The following GRIK1 variants were observed in gnomAD, a reference collection of about 807,000 sequenced individuals.
GRIK1 encodes glutamate ionotropic receptor kainate type subunit 1.
In GRIK1, 69 loss-of-function variants were observed where a neutral mutation model predicts 105.7. The observed-to-expected ratio is 0.65, with a 90% CI of 0.54 to 0.80. The LOEUF is 0.80. GRIK1 is among the 30% of genes least tolerant of loss of function. GRIK1 has a pLI of 0.00. For missense variants in GRIK1, 1,109 were observed against 1,167.3 expected (o/e 0.95, Z 0.73); for synonymous variants, 438 against 431.3 (o/e 1.02, Z -0.19).
At chr21:29,844,991 T>C (rs958756878) in intron 1 of GRIK1, among the ~76,000 whole-genome samples, 3 of 152,206 alleles carry the variant, frequency 2.0e-5, no homozygotes, top group Admixed American at 6.5e-5. Flanking sequence ...CTGTTTGATA[T>C]GAGATGTGCA....
chr21:29,747,692 G>A (rs1298098423), intron 1 of GRIK1, among the ~76,000 whole-genome samples: 6 of 152,148 alleles, frequency 3.9e-5, no homozygotes, highest in Non-Finnish European at 8.8e-5. Flanking sequence ...AGCTGGGCGT[G>A]GTGGCACGTG....
intron 4 of GRIK1, 44 bp from the exon 5 acceptor site, chr21:29,654,907 A>G: frequency 8.9e-7 from 1 of 1,119,208 alleles, no homozygotes. Flanking sequence ...ACAGAATTAT[A>G]ATAAGAATGG....
At chr21:29,774,162 A>G (rs1307740685) in intron 1 of GRIK1, among the ~76,000 whole-genome samples, 5 of 152,320 alleles carry the variant, frequency 3.3e-5, no homozygotes, top group South Asian at 2.1e-4. Flanking sequence ...GCAGAGAATT[A>G]TAATATCCTT....
chr21:29,906,906 T>C (rs896745935), intron 1 of GRIK1, among the ~76,000 whole-genome samples: 12 of 152,090 alleles, frequency 7.9e-5, no homozygotes, highest in Non-Finnish European at 1.3e-4. Flanking sequence ...TTCAATACTA[T>C]ATGGTGCTTA....
At chr21:29,623,546 CTT>C (rs926392614) in intron 7 of GRIK1, among the ~76,000 whole-genome samples, 3 of 151,956 alleles carry the variant, frequency 2.0e-5, no homozygotes, top group African/African-American at 4.8e-5. Context: ...ATTCCAAAGA[CTT>C]TGTTATTTGT....
chr21:29,693,199 AC>A (rs1291041347), intron 2 of GRIK1, among the ~76,000 whole-genome samples: 1 of 152,192 alleles, frequency 6.6e-6, no homozygotes, highest in Non-Finnish European at 1.5e-5. Context: ...TTAGAAGCCA[AC>A]CCTCAACTAT....
intron 1 of GRIK1, among the ~76,000 whole-genome samples, chr21:29,870,155 C>T (rs1196464147): frequency 1.3e-5 from 2 of 152,124 alleles, no homozygotes; most frequent in Non-Finnish European, 2.9e-5. Flanking sequence ...CTGTTTTAAA[C>T]ACATAATAGT....
intron 3 of GRIK1, among the ~76,000 whole-genome samples, chr21:29,681,691 T>C (rs1281322413): frequency 1.3e-5 from 2 of 152,204 alleles, no homozygotes; most frequent in East Asian, 1.9e-4. Flanking sequence ...AATCATTTTA[T>C]ATTGAATGAA....
At chr21:29,900,583 G>C (rs2070363062) in intron 1 of GRIK1, among the ~76,000 whole-genome samples, 1 of 151,716 alleles carries the variant, frequency 6.6e-6, no homozygotes, top group Admixed American at 6.6e-5. Context: ...TTCAATAAGA[G>C]CTAACTACCC....
chr21:29,900,606 C>T (rs1339139450), intron 1 of GRIK1, among the ~76,000 whole-genome samples: 1 of 152,044 alleles, frequency 6.6e-6, no homozygotes, highest in Non-Finnish European at 1.5e-5. Context: ...AATATATATG[C>T]ACCCAATACA....
chr21:29,781,261 CCTTT>C lies in GRIK1; in HGVS notation c.119-87202_119-87199del, dbSNP rs2066091441. On this transcript the variant is annotated intron_variant, in intron 1 of 17. Transcript: ENST00000327783. Reference sequence around the variant, plus strand: ...TTTGCAACATGCTCCTTCCTTTTTTCCTTTCTTTCTCCTTTCCTAAAACCTCCTT... The same window carrying C: ...TTTGCAACATGCTCCTTCCTTTTTTCCTTTCTCCTTTCCTAAAACCTCCTT... Among the ~76,000 whole-genome samples the C allele has an allele frequency of 2.0e-5, 3 of 151,900 alleles. 1 individual carries two copies. In the South Asian group the frequency reaches 6.2e-4, roughly 32 times the overall value.
intron 1 of GRIK1, chr21:29,760,187 T>C (rs1401316726): frequency 6.6e-6 from 1 of 152,250 alleles, no homozygotes; most frequent in African/African-American, 2.4e-5. Context: ...TCTAAGCATA[T>C]ACAGTGTTGC....
At chr21:29,633,274 G>T (rs1429355452) in intron 7 of GRIK1, among the ~76,000 whole-genome samples, 3 of 152,192 alleles carry the variant, frequency 2.0e-5, no homozygotes, top group Admixed American at 6.5e-5. Flanking sequence ...GCTGAGGTGG[G>T]CAGATCATGA....
chr21:29,807,999 T>C (rs1362314951), intron 1 of GRIK1, among the ~76,000 whole-genome samples: 3 of 152,106 alleles, frequency 2.0e-5, no homozygotes, highest in Non-Finnish European at 4.4e-5. Context: ...ACATGTTAAA[T>C]TCCTTGAATG....
intron 1 of GRIK1, among the ~76,000 whole-genome samples, chr21:29,922,372 C>G (rs1489581353): frequency 6.6e-6 from 1 of 152,036 alleles, no homozygotes; most frequent in Non-Finnish European, 1.5e-5. Flanking sequence ...ATGCCAAACA[C>G]TGTTAAAAAA....
At chr21:29,714,938 T>C (rs1218261921) in intron 1 of GRIK1, among the ~76,000 whole-genome samples, 2 of 152,206 alleles carry the variant, frequency 1.3e-5, no homozygotes, top group Admixed American at 6.5e-5. Flanking sequence ...TTCCAATACC[T>C]AATCTTTCAG....
chr21:29,782,623 G>A (rs2066154672), intron 1 of GRIK1, among the ~76,000 whole-genome samples: 2 of 152,160 alleles, frequency 1.3e-5, no homozygotes, highest in Admixed American at 1.3e-4. Context: ...ATTACCCATT[G>A]AACCTGTTTG....
chr21:29,893,822 A>G (rs2070003327), intron 1 of GRIK1, among the ~76,000 whole-genome samples: 1 of 152,198 alleles, frequency 6.6e-6, no homozygotes, highest in Non-Finnish European at 1.5e-5. Context: ...CATCTCTCCT[A>G]GAGCTCAAAG....
At chr21:29,864,797 C>T (rs1333000608) in intron 1 of GRIK1, among the ~76,000 whole-genome samples, 2 of 152,278 alleles carry the variant, frequency 1.3e-5, no homozygotes, top group Admixed American at 6.5e-5. Context: ...GCTCTGTCAG[C>T]CTGTGTGGGA....
Sources: allele counts gnomAD v4.1 joint callset (sites outside exome capture counted in the v4.1 genomes callset), GRCh38; gene constraint gnomAD v4.1.1; transcripts MANE v1.5; gene names NCBI Gene and HGNC (gene_info 2026-07-23, HGNC 2026-07-21).